The following ERICH2 variants were observed in gnomAD, a reference collection of about 807,000 sequenced individuals.
ERICH2 encodes glutamate-rich protein 2.
In ERICH2, 17 loss-of-function variants were observed where a neutral mutation model predicts 17.4. The ratio of observed to expected loss-of-function variants is 0.98; its 90% CI spans 0.67 to 1.47. ERICH2 has a LOEUF of 1.47. ERICH2 is among the 40% of genes most tolerant of loss of function. The probability of loss-of-function intolerance (pLI) is 0.00; values close to 1 mark genes in which losing one functional copy is unlikely to be tolerated. For synonymous variants in ERICH2, 51 were observed against 61.1 expected (o/e 0.83, Z 0.77); for missense variants, 186 against 183.2 (o/e 1.01, Z -0.09).
chr2:170,776,199 G>T, the ERICH2 span, among the ~76,000 whole-genome samples: 1 of 152,090 alleles, frequency 6.6e-6, no homozygotes, highest in African/African-American at 2.4e-5. Flanking sequence ...AGAAAACATT[G>T]TACCTTTATA....
chr2:170,775,923 T>A, the ERICH2 span, among the ~76,000 whole-genome samples: 1 of 152,214 alleles, frequency 6.6e-6, no homozygotes, highest in Non-Finnish European at 1.5e-5. Flanking sequence ...GTCTTGGCCC[T>A]GAATTTTATA....
chr2:170,781,620 G>A (rs1053999195), upstream of ERICH2, among the ~76,000 whole-genome samples: 5 of 143,756 alleles, frequency 3.5e-5, no homozygotes, highest in African/African-American at 7.5e-5. Context: ...GTGATAGAGC[G>A]AGACTTGGTC....
At chr2:170,796,441 T>A (rs1246564120) in intron 3 of ERICH2, among the ~76,000 whole-genome samples, 1 of 5,050 alleles carries the variant, frequency 2.0e-4, no homozygotes, top group African/African-American at 3.3e-4. Context: ...TTTTTTTTTG[T>A]TTTTTTTTTT....
chr2:170,793,843 T>C (rs987614353), intron 3 of ERICH2, among the ~76,000 whole-genome samples: 18 of 152,210 alleles, frequency 1.2e-4, no homozygotes, highest in African/African-American at 4.1e-4. Context: ...TTGTTGCAGT[T>C]GTACTGTTCA....
At chr2:170,781,129 T>C (rs1701015728), upstream of ERICH2, among the ~76,000 whole-genome samples, 1 of 152,196 alleles carries the variant, frequency 6.6e-6, no homozygotes, top group Non-Finnish European at 1.5e-5. Context: ...AACAACCTGG[T>C]CAACCTATTT....
At chr2:170,778,832 A>G (rs940953574), upstream of ERICH2, among the ~76,000 whole-genome samples, 17 of 152,198 alleles carry the variant, frequency 1.1e-4, no homozygotes, top group Non-Finnish European at 1.9e-4. Flanking sequence ...ATGAGCCCCA[A>G]TGTTCTTTGA....
intron 2 of ERICH2, among the ~76,000 whole-genome samples, chr2:170,787,350 G>A (rs1000349720): frequency 7.2e-5 from 11 of 152,296 alleles, no homozygotes; most frequent in Admixed American, 7.2e-4. Context: ...GTGCTTGGAA[G>A]CAGGTATCTC....
intron 1 of ERICH2, among the ~76,000 whole-genome samples, chr2:170,784,411 C>A (rs1478997161): frequency 1.3e-5 from 2 of 152,170 alleles, no homozygotes; most frequent in Non-Finnish European, 2.9e-5. Context: ...GTATATTTAA[C>A]CTCTGTGTCC....
chr2:170,782,443 C>T, upstream of ERICH2: 1 of 885,340 alleles, frequency 1.1e-6, no homozygotes, highest in Non-Finnish European at 1.4e-6. Flanking sequence ...ATTGAACCCT[C>T]CTTTTCTGCG....
chr2:170,779,397 A>G (rs920681744), upstream of ERICH2, among the ~76,000 whole-genome samples: 5 of 152,174 alleles, frequency 3.3e-5, no homozygotes, highest in Non-Finnish European at 5.9e-5. Context: ...CAGCCACAAG[A>G]AGTATGTGGA....
chr2:170,777,338 AAAT>A, the ERICH2 span: 2 of 858,246 alleles, frequency 2.3e-6, no homozygotes, highest in Admixed American at 1.1e-4. Context: ...TCTCAAACTA[AAAT>A]AATAATGCTA....
At chr2:170,773,471 TTTGA>T in the ERICH2 span, among the ~76,000 whole-genome samples, 3 of 152,336 alleles carry the variant, frequency 2.0e-5, no homozygotes, top group African/African-American at 7.2e-5. Context: ...AAAGAAAGAA[TTTGA>T]TTGGTCCTGG....
At chr2:170,772,849 A>C in the ERICH2 span, among the ~76,000 whole-genome samples, 1 of 152,222 alleles carries the variant, frequency 6.6e-6, no homozygotes, top group African/African-American at 2.4e-5. Flanking sequence ...ATTAGACTAC[A>C]AGGTAGCTTA....
At chr2:170,798,247 T>C in intron 4 of ERICH2, 135 bp downstream of exon 9, 1 of 668,198 alleles carries the variant, frequency 1.5e-6, no homozygotes, top group East Asian at 2.7e-5. Context: ...TCTTAAATGG[T>C]TTAGTGAAAC....
At chr2:170,791,650 A>G (rs1701293319) in intron 2 of ERICH2, among the ~76,000 whole-genome samples, 2 of 151,852 alleles carry the variant, frequency 1.3e-5, no homozygotes, top group Non-Finnish European at 2.9e-5. Flanking sequence ...AGATCGCGCC[A>G]CTGCGCTCCA....
intron 2 of ERICH2, among the ~76,000 whole-genome samples, chr2:170,791,360 G>A (rs1448272617): frequency 6.6e-6 from 1 of 152,090 alleles, no homozygotes; most frequent in Admixed American, 6.6e-5. Context: ...TGATGGGTTA[G>A]TAACTTTATA....
At chr2:170,778,515 T>C in the ERICH2 span, among the ~76,000 whole-genome samples, 5 of 152,058 alleles carry the variant, frequency 3.3e-5, no homozygotes, top group South Asian at 1.0e-3. Flanking sequence ...GCTTTTGTTG[T>C]AAATTATATG....
the ERICH2 span, chr2:170,771,065 C>G: frequency 6.5e-6 from 1 of 153,148 alleles, no homozygotes; most frequent in African/African-American, 2.4e-5. This position sits in a 1 kb window ranked among gnomAD's most constrained non-coding sequence, Gnocchi z 4.8. Flanking sequence ...CTCCACGCGC[C>G]GTGCAGTCTC....
upstream of ERICH2, among the ~76,000 whole-genome samples, chr2:170,782,666 T>C (rs1390965886): frequency 6.6e-6 from 1 of 152,166 alleles, no homozygotes; most frequent in African/African-American, 2.4e-5. Context: ...ATAACCAGAG[T>C]GAAAGCCAGA....
Sources: allele counts gnomAD v4.1 joint callset (sites outside exome capture counted in the v4.1 genomes callset), GRCh38; gene constraint gnomAD v4.1.1; non-coding constraint Gnocchi (gnomAD v3.1); transcripts MANE v1.5; gene names NCBI Gene and HGNC (gene_info 2026-07-23, HGNC 2026-07-21).